The following SLC26A11 variants were observed in gnomAD, a reference collection of about 807,000 sequenced individuals.
SLC26A11 encodes the protein solute carrier family 26 member 11.
SLC26A11 carries 58 observed loss-of-function variants against 62.2 expected under a neutral mutation model. The ratio of observed to expected loss-of-function variants is 0.93; its 90% CI spans 0.76 to 1.16. SLC26A11 has a LOEUF of 1.16. Ranked by LOEUF, SLC26A11 falls within the 50% of genes most tolerant of loss-of-function variation. The pLI is 0.00. For missense variants in SLC26A11, 790 were observed against 794.3 expected (o/e 0.99, Z 0.06); for synonymous variants, 411 against 368.9 (o/e 1.11, Z -1.31).
intron 9 of SLC26A11, 143 bp from the exon 10 acceptor site, chr17:80,241,628 T>G (rs2042862112): frequency 6.1e-6 from 5 of 825,138 alleles, no homozygotes; most frequent in Non-Finnish European, 1.0e-5. Context: ...CGCACATATA[T>G]GTGAATATTT....
chr17:80,245,011 G>A (rs917596877), intron 10 of SLC26A11, among the ~76,000 whole-genome samples, 185 bp from the exon 11 acceptor site: 26 of 146,480 alleles, frequency 1.8e-4, no homozygotes, highest in Non-Finnish European at 3.1e-4. Context: ...TAGGCTTTAC[G>A]TCTGCAAGAA....
At position 80,246,107 on chromosome 17, in the gene SLC26A11, C is replaced by A; in HGVS notation, c.1098-47C>A. 1 of 1,609,618 alleles carries A rather than the reference C, an allele frequency of 6.2e-7. No individual in the cohort carries two copies. Among genetic ancestry groups the A allele is most frequent in the Non-Finnish European group, 8.5e-7 (1 of 1,176,792 alleles). ...CCACAGGAGTGTGGACTGAGGTCTC[C>A]CTTTTCCCGGCCCCTGGTGACTGAC... On this transcript the variant is annotated intron_variant, in intron 11 of 17. Transcript: ENST00000361193. The surrounding 1 kb of genome is among the most constrained non-coding windows in gnomAD (Gnocchi z 4.4).
Position 80,245,237 on chromosome 17 carries a change from G to C in SLC26A11, c.1078G>C (p.Val360Leu). The C allele has an allele frequency of 6.2e-7, 1 of 1,613,786 alleles. No individual in the cohort carries two copies. The highest frequency in any genetic ancestry group is 8.5e-7 in the Non-Finnish European group (1 of 1,179,966). Residue 360 changes from valine to leucine, a missense_variant, in exon 11 of 18, where the codon GTC becomes CTC. Val to Leu is a conservative substitution (Grantham distance 32). Coordinates refer to ENST00000361193, the MANE Select transcript of SLC26A11 (RefSeq NM_001166347.2). ...MLGSLVSSYP[V>L]TGSFGRTAVN... ...GGGCTCCCTCGTCTCCTCCTACCCG[G>C]TCACAGGCAGCTTTGGACGGTGAGT...
rs893906470 is a variant in SLC26A11, at chr17:80,222,433, G to A, written c.235-222G>A. On this transcript the variant is annotated intron_variant, in intron 3 of 17. Transcript: ENST00000361193. This position sits in a 1 kb window ranked among gnomAD's most constrained non-coding sequence, Gnocchi z 4.7. Reference sequence around the variant, plus strand: ...TGGACACAGCACACGGGCCTGCACCGACCCCTCTGCCTGGCTGTCTGCACC... The same window carrying A: ...TGGACACAGCACACGGGCCTGCACCAACCCCTCTGCCTGGCTGTCTGCACC... 4 of 561,758 alleles carry A rather than the reference G, an allele frequency of 7.1e-6. No homozygotes were observed. The highest frequency in any genetic ancestry group is 5.9e-5 in the East Asian group (2 of 34,104). 34.8% of individuals were successfully genotyped at this position (561,758 alleles called of 1,614,324 possible).
At chr17:80,247,644 A>G (rs1292471515) in intron 13 of SLC26A11, among the ~76,000 whole-genome samples, 1 of 152,204 alleles carries the variant, frequency 6.6e-6, no homozygotes, top group African/African-American at 2.4e-5. Flanking sequence ...AACAGCCCTG[A>G]AACGTGTTCA....
At chr17:80,250,791 C>T (rs942630600) in intron 16 of SLC26A11, among the ~76,000 whole-genome samples, 1 of 151,902 alleles carries the variant, frequency 6.6e-6, no homozygotes, top group Admixed American at 6.6e-5. Context: ...CGCGCCATTG[C>T]ACTCCAGCCT....
intron 14 of SLC26A11, 143 bp downstream of exon 14, chr17:80,248,400 C>G: frequency 7.5e-7 from 1 of 1,329,154 alleles, no homozygotes; most frequent in African/African-American, 1.5e-5. Flanking sequence ...AGTCACCTTG[C>G]TATAAACCAT....
chr17:80,235,915 AT>A (rs1168535007), intron 7 of SLC26A11, among the ~76,000 whole-genome samples: 1 of 152,228 alleles, frequency 6.6e-6, no homozygotes, highest in African/African-American at 2.4e-5. Flanking sequence ...ATAAAGTTTT[AT>A]TGGAAAATCA....
At chr17:80,236,885 C>A in intron 7 of SLC26A11, 43 bp from the exon 8 acceptor site, 1 of 1,576,774 alleles carries the variant, frequency 6.3e-7, no homozygotes, top group Non-Finnish European at 8.7e-7. Flanking sequence ...ACCCCACACT[C>A]GCCGGGAGCA....
In SLC26A11 at chr17:80,235,453, C is replaced by T. The variant is rs149820064; in HGVS notation, c.737-1475C>T. On this transcript the variant is annotated intron_variant, in intron 7 of 17. Transcript: ENST00000361193. ...TTCACTATAGCCTCAACCTCCCAGG[C>T]TCAAGTTATCATCTCACCTCAGCCC... Among the ~76,000 whole-genome samples, 629 of 152,146 alleles carry T rather than the reference C, an allele frequency of 4.1e-3. 2 individuals carry two copies. Among genetic ancestry groups the T allele is most frequent in the Non-Finnish European group, 6.3e-3 (427 of 67,996 alleles).
At chr17:80,225,547 G>A in intron 5 of SLC26A11, 1 of 334,428 alleles carries the variant, frequency 3.0e-6, no homozygotes, top group Non-Finnish European at 5.6e-6. Flanking sequence ...CCTGCTGTGG[G>A]GTCACCTACA....
chr17:80,241,923 G>A (rs2042875869), intron 10 of SLC26A11, 102 bp downstream of exon 10: 2 of 1,320,526 alleles, frequency 1.5e-6, no homozygotes, highest in South Asian at 1.2e-5. Flanking sequence ...CATGATGGTG[G>A]TGATGAACTG....
intron 16 of SLC26A11, 110 bp from the exon 17 acceptor site, chr17:80,251,219 G>A (rs936077934): frequency 4.2e-5 from 68 of 1,605,938 alleles, no homozygotes; most frequent in Non-Finnish European, 5.5e-5. Flanking sequence ...TGGTATGGAG[G>A]TGAAGCCATA....
rs1199537670 is a variant in SLC26A11, at chr17:80,223,325, T to C, written c.501T>C (p.Phe167=). The C allele has an allele frequency of 6.2e-7, 1 of 1,614,174 alleles. No homozygotes were observed. The highest frequency in any genetic ancestry group is 1.7e-5 in the Admixed American group (1 of 60,020). ...FTSAAAVTIG[F]GQIKNLLGLQ... is the part of the protein sequence containing the mutation. ...CTGCTGCTGCCGTCACCATCGGCTTTGGACAGATCAAGGTAGGCACGGCGC... is the reference window on the plus strand; with the variant it reads ...CTGCTGCTGCCGTCACCATCGGCTTCGGACAGATCAAGGTAGGCACGGCGC... The change falls in exon 5 of 18, where the codon TTT becomes TTC. Residue 167 remains phenylalanine (F), a synonymous_variant. Transcript: ENST00000361193. This position sits in a 1 kb window ranked among gnomAD's most constrained non-coding sequence, Gnocchi z 4.6.
chr17:80,253,397 C>T lies in SLC26A11; in HGVS notation c.*681C>T, dbSNP rs777111189. 1 of 152,204 alleles carries T rather than the reference C, an allele frequency of 6.6e-6. No individual in the cohort carries two copies. Among genetic ancestry groups the T allele is most frequent in the African/African-American group, 2.4e-5 (1 of 41,448 alleles). 9.4% of individuals were successfully genotyped at this position (152,204 alleles called of 1,614,324 possible). ...GTGTGGATGTATGTTTACAGTTCTA[C>T]ATAAATGGGATCATTTTATACATGG... On this transcript the variant is annotated 3_prime_UTR_variant, in exon 18 of 18. Transcript: ENST00000361193.
intron 7 of SLC26A11, among the ~76,000 whole-genome samples, chr17:80,231,993 A>G (rs376197830): frequency 1.3e-5 from 2 of 152,106 alleles, no homozygotes; most frequent in African/African-American, 4.8e-5. Context: ...TTTTCTTTCT[A>G]CTTGTTCTGT....
Position 80,248,815 on chromosome 17 carries a change from G to A in SLC26A11, c.1522+141G>A, listed in dbSNP as rs966302027. On this transcript the variant is annotated intron_variant, in intron 15 of 17. Coordinates refer to ENST00000361193, the MANE Select transcript of SLC26A11 (RefSeq NM_001166347.2). ...CAGGCATCTCTGAGTGGGCTGGACC[G>A]TCCTCTGTGGGCCTCAGCCAGTGGC... The A allele has an allele frequency of 4.8e-5, 41 of 853,000 alleles. No individual in the cohort carries two copies. In the East Asian group the frequency reaches 8.4e-4, roughly 17 times the overall value. The allele number at this position is 853,000 out of a possible 1,614,324, so 52.8% of individuals were successfully genotyped here.
At chr17:80,250,319 A>G (rs572248179) in intron 16 of SLC26A11, among the ~76,000 whole-genome samples, 1 of 152,290 alleles carries the variant, frequency 6.6e-6, no homozygotes, top group Admixed American at 6.5e-5. Flanking sequence ...AGTTTCCTTC[A>G]TTCCCAACCT....
In SLC26A11 at chr17:80,222,020, A is replaced by C. The variant is rs1290485912; in HGVS notation, c.234+226A>C. Reference sequence around the variant, plus strand: ...TATGGAGGGGCCAGCGAGATGACTCATGGAGGCCTCAGGAGTTCAAGACCA... The same window carrying C: ...TATGGAGGGGCCAGCGAGATGACTCCTGGAGGCCTCAGGAGTTCAAGACCA... On this transcript the variant is annotated intron_variant, in intron 3 of 17. Coordinates refer to ENST00000361193, the MANE Select transcript of SLC26A11 (RefSeq NM_001166347.2). This position sits in a 1 kb window ranked among gnomAD's most constrained non-coding sequence, Gnocchi z 4.7. 1 of 545,578 alleles carries C rather than the reference A, an allele frequency of 1.8e-6. No homozygotes were observed. The highest frequency in any genetic ancestry group is 3.2e-5 in the East Asian group (1 of 31,358). The allele number at this position is 545,578 out of a possible 1,614,324, so 33.8% of individuals were successfully genotyped here. A position where few individuals can be genotyped will look rare whatever the true frequency, so the allele number is the denominator to read the frequency against.
Sources: gnomAD v4.1 joint callset for allele counts (sites outside exome capture counted in the v4.1 genomes callset) on GRCh38, gnomAD v4.1.1 for gene constraint, Gnocchi (gnomAD v3.1) non-coding constraint, MANE v1.5 for transcripts, NCBI Gene and HGNC (gene_info 2026-07-23, HGNC 2026-07-21) for gene names.